Variants in ARHGEF40 observed in about 807,000 individuals in gnomAD.
ARHGEF40 encodes the protein Rho guanine nucleotide exchange factor (GEF) 40.
Under a neutral mutation model 165.9 loss-of-function variants are expected in ARHGEF40, and 98 were observed. The observed-to-expected ratio is 0.59, with a 90% confidence interval of 0.50 to 0.70. The LOEUF is 0.70. Ranked by LOEUF, ARHGEF40 falls within the 30% of genes least tolerant of loss-of-function variation. The probability of loss-of-function intolerance (pLI) is 0.00; values close to 1 mark genes in which losing one functional copy is unlikely to be tolerated. For synonymous variants in ARHGEF40, 792 were observed against 814.3 expected, an observed-to-expected ratio of 0.97 and a Z score of 0.47; for missense variants, 1,815 against 1,968.0, an observed-to-expected ratio of 0.92 and a Z score of 1.47.
the ARHGEF40 span, among the ~76,000 whole-genome samples, chr14:21,061,350 T>C: frequency 1.4e-4 from 21 of 152,262 alleles, no homozygotes; most frequent in African/African-American, 4.6e-4. Context: ...AGGAGACTAA[T>C]TATATCCAAA....
Position 21,081,630 on chromosome 14 carries a change from A to G in ARHGEF40, c.2762A>G (p.Glu921Gly). The G allele has an allele frequency of 1.2e-6, 2 of 1,610,226 alleles. No homozygotes were observed. The highest frequency in any genetic ancestry group is 1.7e-6 in the Non-Finnish European group (2 of 1,178,804). The change falls in exon 14 of 24, where the codon GAG (glutamate) becomes GGG (glycine). Residue 921 changes from glutamate to glycine, a missense_variant. Physicochemically the swap from Glu to Gly is moderately conservative, Grantham distance 98. Transcript: ENST00000298694. ...APEPSAGTFQ[E>G]MRALALDLGS... ...GAGCCCAGTGCCGGCACCTTCCAGGAGATGCGGGCCCTGGCCCTGGACCTG... is the reference window on the plus strand; with the variant it reads ...GAGCCCAGTGCCGGCACCTTCCAGGGGATGCGGGCCCTGGCCCTGGACCTG...
chr14:21,087,132 C>A (rs1303524954), intron 20 of ARHGEF40, 27 bp downstream of exon 20: 4 of 1,603,504 alleles, frequency 2.5e-6, no homozygotes, highest in African/African-American at 1.3e-5. Flanking sequence ...TGGGGGGTGG[C>A]CCCCAGGAGT....
chr14:21,088,129 G>T, intron 22 of ARHGEF40, 31 bp downstream of exon 22: 1 of 1,583,828 alleles, frequency 6.3e-7, no homozygotes, highest in Non-Finnish European at 8.6e-7. Context: ...TGGGAACAAT[G>T]TGATCTCTTT....
intron 21 of ARHGEF40, 94 bp from the exon 22 acceptor site, chr14:21,087,874 T>C: frequency 1.3e-6 from 2 of 1,554,568 alleles, no homozygotes; most frequent in Non-Finnish European, 1.8e-6. Context: ...TTCCTGTTGC[T>C]ATGGAGCTTT....
At chr14:21,076,215 T>G in intron 5 of ARHGEF40, 145 bp from the exon 6 acceptor site, 1 of 705,058 alleles carries the variant, frequency 1.4e-6, no homozygotes, top group South Asian at 1.8e-5. Context: ...TTTGGCCCTT[T>G]GCCCATTTCT....
chr14:21,081,130 A>C, intron 13 of ARHGEF40, 114 bp downstream of exon 13: 3 of 1,491,008 alleles, frequency 2.0e-6, no homozygotes, highest in Non-Finnish European at 2.7e-6. Context: ...CCCATCTCCT[A>C]GGTTTTTGCT....
Position 21,078,185 on chromosome 14 carries a change from A to G in ARHGEF40, c.2043A>G (p.Val681=). 6.2e-7 allele frequency: 1 copy of G among 1,612,694 alleles called. No individual in the cohort carries two copies. Among genetic ancestry groups the G allele is most frequent in the Admixed American group, 1.7e-5 (1 of 59,682 alleles). ...SHWVEIHQEV[V]RLCRLCQGVL... ...CTGCATGTGGGTTTCAGGAAGTGGT[A>G]AGGCTATGTCGCCTGTGCCAAGGTG... The change falls in exon 9 of 24, where the codon GTA becomes GTG. Residue 681 remains valine, a synonymous_variant. Coordinates refer to ENST00000298694, the MANE Select transcript of ARHGEF40 (RefSeq NM_018071.5).
chr14:21,078,444 T>TGG lies in ARHGEF40; in HGVS notation c.2208_2209dup (p.Ala737GlyfsTer4). ...CCCGGCTGACGGCACTGCAGAGGGA[T>TGG]GGGGGGGCCATCCTGATGAGGCTGC... is the stretch of plus-strand genomic sequence containing the variant. On this transcript the variant is annotated frameshift_variant, in exon 10 of 24. Coordinates refer to ENST00000298694, the MANE Select transcript of ARHGEF40 (RefSeq NM_018071.5). LOFTEE classifies it high-confidence loss of function. 1 of 1,609,970 alleles carries TGG rather than the reference T, an allele frequency of 6.2e-7. No homozygotes were observed.
Position 21,074,134 on chromosome 14 carries a change from C to T in ARHGEF40, c.404C>T (p.Pro135Leu), listed in dbSNP as rs764019112. Residue 135 changes from proline to leucine, a missense_variant, in exon 3 of 24, where the codon CCT becomes CTT. By Grantham distance (98) the Pro-to-Leu change is moderately conservative. Coordinates refer to ENST00000298694, the MANE Select transcript of ARHGEF40 (RefSeq NM_018071.5). This position sits in a 1 kb window ranked among gnomAD's most constrained non-coding sequence, Gnocchi z 4.8. ...GGGGGTGGGCGGGTGCAGGAGGTTC[C>T]TGTGCCCAATGAGGCTTGTGCCTAC... ...APGGGRVQEVPVPNEACAYLF... is the reference protein window; with the variant it reads ...APGGGRVQEVLVPNEACAYLF... 168 of 1,614,030 alleles carry T rather than the reference C, an allele frequency of 1.0e-4. 1 individual carries two copies. The highest frequency in any genetic ancestry group is 2.5e-6 in the Non-Finnish European group (3 of 1,180,032).
chr14:21,078,509 G>C, intron 10 of ARHGEF40, 21 bp downstream of exon 10: 1 of 1,539,040 alleles, frequency 6.5e-7, no homozygotes, highest in Non-Finnish European at 8.8e-7. Flanking sequence ...TGGGTGTGCG[G>C]AGGCAGGTGG....
rs1886648982 is a variant in ARHGEF40 at position 21,070,486 on chromosome 14, GAGCCTGCCTCGGACT to G, written c.3+88_3+102del. On this transcript the variant is annotated intron_variant, in intron 1 of 23. Transcript: ENST00000298694. This position sits in a 1 kb window ranked among gnomAD's most constrained non-coding sequence, Gnocchi z 4.7. ...CCAAGTCCTCAGCCTGGTGCCTCCC[GAGCCTGCCTCGGACT>G]GTTCGGCCCCTCTGGGACTCTCCTC... 2 of 1,336,630 alleles carry G rather than the reference GAGCCTGCCTCGGACT, an allele frequency of 1.5e-6. No homozygotes were observed. The highest frequency in any genetic ancestry group is 3.9e-5 in the South Asian group (2 of 51,180). The allele number at this position is 1,336,630 out of a possible 1,614,324, so 82.8% of individuals were successfully genotyped here.
At position 21,084,939 on chromosome 14, in the gene ARHGEF40, T is replaced by G; in HGVS notation, c.3960+16T>G. ...GGCCTTTAAGGTACGATTCCTGGAG[T>G]GAGTGGTGGAGGTGACAGGAAGTCA... On this transcript the variant is annotated intron_variant, in intron 18 of 23. Transcript: ENST00000298694. 6.2e-7 allele frequency: 1 copy of G among 1,608,976 alleles called. No individual in the cohort carries two copies. Among genetic ancestry groups the G allele is most frequent in the Non-Finnish European group, 8.5e-7 (1 of 1,177,654 alleles).
rs533453661 is a variant in ARHGEF40 at position 21,082,934 on chromosome 14, C to T, written c.3573+17C>T. ...TTAAGCAAGGTAACTTTTTCTCCAA[C>T]CTTCAGGAGAAAAGTAGAGAGGCCA... On this transcript the variant is annotated intron_variant, in intron 16 of 23. Transcript: ENST00000298694. 1.9e-6 allele frequency: 3 copies of T among 1,610,724 alleles called. No homozygotes were observed. The highest frequency in any genetic ancestry group is 2.5e-6 in the Non-Finnish European group (3 of 1,177,028).
At position 21,070,668 on chromosome 14, in the gene ARHGEF40, C is replaced by CCTCCCCG. The variant is rs372003858; in HGVS notation, c.3+278_3+284dup. ...TTGGGTCTCTCCCCTAATCCACACA[C>CCTCCCCG]CTCCCCGCTCCCCGCCCTCCTCTGT... is the stretch of plus-strand genomic sequence containing the variant. On this transcript the variant is annotated intron_variant, in intron 1 of 23. Coordinates refer to ENST00000298694, the MANE Select transcript of ARHGEF40 (RefSeq NM_018071.5). The surrounding 1 kb of genome is among the most constrained non-coding windows in gnomAD (Gnocchi z 4.7). 6.6e-6 allele frequency among the ~76,000 whole-genome samples: 1 copy of CCTCCCCG among 152,256 alleles called. No homozygotes were observed. The highest frequency in any genetic ancestry group is 2.4e-5 in the African/African-American group (1 of 41,558).
In ARHGEF40 at chr14:21,075,708, C is replaced by T; in HGVS notation, c.1682C>T (p.Pro561Leu). 1 of 1,613,800 alleles carries T rather than the reference C, an allele frequency of 6.2e-7. No individual in the cohort carries two copies. Among genetic ancestry groups the T allele is most frequent in the Middle Eastern group, 1.7e-4 (1 of 5,872 alleles). The change falls in exon 5 of 24, where the codon CCC (proline) becomes CTC (leucine). Residue 561 changes from proline to leucine, a missense_variant. Pro to Leu is a moderately conservative substitution (Grantham distance 98). Transcript: ENST00000298694. The surrounding 1 kb of genome is among the most constrained non-coding windows in gnomAD (Gnocchi z 4.5). ...ACCCCACCGTGCCCTCCTGAGGAGC[C>T]CCCACCCTCCCGAGACACGCTGAAC... ...TITPPCPPEE[P>L]PPSRDTLNTT...
chr14:21,067,980 CTTTTTTTTTTTT>C (rs1171332473), upstream of ARHGEF40, among the ~76,000 whole-genome samples: 1 of 22,262 alleles, frequency 4.5e-5, no homozygotes, highest in East Asian at 8.4e-4. Flanking sequence ...AGTGGCTCCC[CTTTTTTTTTTTT>C]TTTTTTTTTT....
rs1435580169 is a variant in ARHGEF40 at position 21,080,983 on chromosome 14, T to A, written c.2607T>A (p.His869Gln). The A allele has an allele frequency of 1.2e-6, 2 of 1,614,142 alleles. No homozygotes were observed. Among genetic ancestry groups the A allele is most frequent in the Non-Finnish European group, 1.7e-6 (2 of 1,180,004 alleles). The change falls in exon 13 of 24, where the codon CAT becomes CAA. Residue 869 changes from histidine (H) to glutamine (Q), a missense_variant. By Grantham distance (24) the His-to-Gln change is conservative. Transcript: ENST00000298694. ...TGGAGCAGGTTGAGAGTGGCCTCCA[T>A]CGGGCCCTGCGGCTACAGCGCTTCT... ...QRLEQVESGL[H>Q]RALRLQRFFQ...
In ARHGEF40 at chr14:21,083,861, G is replaced by T. The variant is rs778199643; in HGVS notation, c.3600G>T (p.Leu1200=). ...GCTCCATGGAGGCTGGCCCTTACCT[G>T]CCCCGAGCCCTGCAGCAGCCTCTGG... ...SKGSMEAGPY[L]PRALQQPLEQ... Residue 1200 remains leucine, a synonymous_variant, in exon 17 of 24, where the codon CTG becomes CTT. Transcript: ENST00000298694. The T allele has an allele frequency of 1.5e-5, 25 of 1,613,394 alleles. No homozygotes were observed. Among genetic ancestry groups the T allele is most frequent in the East Asian group, 2.2e-5 (1 of 44,848 alleles).
At chr14:21,084,080 C>T in intron 17 of ARHGEF40, 30 bp downstream of exon 17, 2 of 1,565,282 alleles carry the variant, frequency 1.3e-6, no homozygotes, top group South Asian at 1.2e-5. Flanking sequence ...CACTGCTGCT[C>T]AAACTGCCCA....
Sources: gnomAD v4.1 joint callset for allele counts (sites outside exome capture counted in the v4.1 genomes callset) on GRCh38, gnomAD v4.1.1 for gene constraint, Gnocchi (gnomAD v3.1) non-coding constraint, MANE v1.5 for transcripts, NCBI Gene and HGNC (gene_info 2026-07-23, HGNC 2026-07-21) for gene names.